SNX22: variants seen among roughly 807,000 people sequenced by gnomAD.
SNX22 encodes sorting nexin 22, also known as sorting nexin-22.
Under a neutral mutation model 24.7 loss-of-function variants are expected in SNX22, and 23 were observed. That is an observed-to-expected ratio of 0.93 (90% CI 0.67 to 1.32). The LOEUF is 1.32. Ranked by LOEUF, SNX22 falls within the 40% of genes most tolerant of loss-of-function variation. The probability of loss-of-function intolerance (pLI) is 0.00; values close to 1 mark genes in which losing one functional copy is unlikely to be tolerated. For missense variants in SNX22, 261 were observed against 249.9 expected (o/e 1.04, Z -0.30); for synonymous variants, 99 against 104.0 (o/e 0.95, Z 0.29).
intron 5 of SNX22, 119 bp downstream of exon 5, chr15:64,153,803 G>A: frequency 6.3e-7 from 1 of 1,595,068 alleles, no homozygotes; most frequent in Admixed American, 1.7e-5. Context: ...TTTCCCTTTG[G>A]TGCCTCCTGA....
At chr15:64,154,066 T>C (rs1461330038) in intron 6 of SNX22, 64 bp downstream of exon 6, 2 of 1,613,866 alleles carry the variant, frequency 1.2e-6, no homozygotes, top group Admixed American at 1.7e-5. Context: ...TCTCGGCTCC[T>C]GGGACCCTCA....
At position 64,156,021 on chromosome 15, in the gene SNX22, C is replaced by A. The variant is rs766839875; in HGVS notation, c.*1513C>A. The A allele has an allele frequency of 5.0e-6, 8 of 1,614,024 alleles. No homozygotes were observed. The highest frequency in any genetic ancestry group is 3.3e-5 in the South Asian group (3 of 91,090). On this transcript the variant is annotated 3_prime_UTR_variant, in exon 7 of 7. Transcript: ENST00000325881. This position sits in a 1 kb window ranked among gnomAD's most constrained non-coding sequence, Gnocchi z 6.4. ...TCACTCAAAGAAAGATGTCCCTGTG[C>A]CCTACTCCTTGGCGATGGCAAAGGG...
Position 64,155,906 on chromosome 15 carries a change from T to C in SNX22, c.*1398T>C. On this transcript the variant is annotated 3_prime_UTR_variant, in exon 7 of 7. Coordinates refer to ENST00000325881, the MANE Select transcript of SNX22 (RefSeq NM_024798.3). ...AGTGAGTCCATGGGCCTGTGGAATGTGAGGGGAGTGGGTCCGCTCCACCAG... is the reference window on the plus strand; with the variant it reads ...AGTGAGTCCATGGGCCTGTGGAATGCGAGGGGAGTGGGTCCGCTCCACCAG... 1 of 1,491,908 alleles carries C rather than the reference T, an allele frequency of 6.7e-7. No homozygotes were observed. The highest frequency in any genetic ancestry group is 9.3e-7 in the Non-Finnish European group (1 of 1,078,478). The allele number at this position is 1,491,908 out of a possible 1,614,324, so 92.4% of individuals were successfully genotyped here. A position where few individuals can be genotyped will look rare whatever the true frequency, so the allele number is the denominator to read the frequency against.
chr15:64,155,857 G>GTGT lies in SNX22; in HGVS notation c.*1352_*1354dup, dbSNP rs1015271051. 5.6e-5 allele frequency: 56 copies of GTGT among 993,906 alleles called. No homozygotes were observed. Among genetic ancestry groups the GTGT allele is most frequent in the Non-Finnish European group, 7.7e-5 (50 of 648,092 alleles). The allele number at this position is 993,906 out of a possible 1,614,324, so 61.6% of individuals were successfully genotyped here. ...AACCCACATTTTTTTTTATTGGTCA[G>GTGT]TGTTGGTAGGAGTTTGTTACAAAAG... On this transcript the variant is annotated 3_prime_UTR_variant, in exon 7 of 7. Transcript: ENST00000325881.
chr15:64,156,824 TGCGTTG>T lies in SNX22; in HGVS notation c.*2319_*2324del. 6.2e-7 allele frequency: 1 copy of T among 1,614,214 alleles called. No individual in the cohort carries two copies. The highest frequency in any genetic ancestry group is 8.5e-7 in the Non-Finnish European group (1 of 1,180,022). On this transcript the variant is annotated 3_prime_UTR_variant, in exon 7 of 7. Transcript: ENST00000325881. The surrounding 1 kb of genome is among the most constrained non-coding windows in gnomAD (Gnocchi z 6.4). ...ACTGGGAGCCGTTGGTGTCTTTGCC[TGCGTTG>T]GCCATGCTCACCCAGCCAGGCCCGT...
intron 3 of SNX22, chr15:64,153,031 G>A: frequency 1.6e-6 from 1 of 637,060 alleles, no homozygotes; most frequent in East Asian, 2.8e-5. Flanking sequence ...TAGGGTGAGG[G>A]TCCTTCCCCC....
chr15:64,153,658 G>A lies in SNX22; in HGVS notation c.366G>A (p.Leu122=), dbSNP rs755630631. The A allele has an allele frequency of 2.9e-5, 47 of 1,613,930 alleles. No individual in the cohort carries two copies. The highest frequency in any genetic ancestry group is 1.6e-4 in the South Asian group (15 of 91,086). Residue 122 remains leucine, a synonymous_variant, in exon 5 of 7, where the codon CTG becomes CTA. Transcript: ENST00000325881. ...GTGTTTCTCTTCTCTTCAGCACCCT[G>A]AGGGAGTTCCTGCCTGGCGACAGCA... ...TDPKASNWGT[L]REFLPGDSSS... is the part of the protein sequence containing the mutation.
chr15:64,151,987 G>T, intron 1 of SNX22, 137 bp downstream of exon 1: 1 of 943,846 alleles, frequency 1.1e-6, no homozygotes, highest in South Asian at 1.9e-5. Context: ...CTTGTCGAGG[G>T]TTTGGGGGCC....
At chr15:64,153,580 C>T in intron 4 of SNX22, 72 bp from the exon 5 acceptor site, 1 of 1,596,998 alleles carries the variant, frequency 6.3e-7, no homozygotes, top group Admixed American at 1.7e-5. Flanking sequence ...GTTCTGGGCT[C>T]TGGTGTCTCC....
chr15:64,153,126 C>A, intron 3 of SNX22, 119 bp from the exon 4 acceptor site: 1 of 1,276,076 alleles, frequency 7.8e-7, no homozygotes, highest in Non-Finnish European at 1.1e-6. Flanking sequence ...TGGTTCAACG[C>A]TCTGCTGTCA....
At chr15:64,152,117 C>A in intron 1 of SNX22, 126 bp from the exon 2 acceptor site, 1 of 1,008,134 alleles carries the variant, frequency 9.9e-7, no homozygotes, top group Non-Finnish European at 1.3e-6. Context: ...CCCCGGGCAG[C>A]CGCGGCGCCG....
rs144984080 is a variant in SNX22 at position 64,154,401 on chromosome 15, G to A, written c.475G>A (p.Val159Met). 26 of 1,614,176 alleles carry A rather than the reference G, an allele frequency of 1.6e-5. No individual in the cohort carries two copies. The African/African-American group carries it at 2.3e-4, about 14-fold the overall frequency. The change falls in exon 7 of 7, where the codon GTG (valine) becomes ATG (methionine). Residue 159 changes from valine to methionine, a missense_variant. Coordinates refer to ENST00000325881, the MANE Select transcript of SNX22 (RefSeq NM_024798.3). ...CNPSPESLPN[V>M]VVNGVLQGLY... ...CTATCCCACAGAGTCGCTGCCCAAC[G>A]TGGTGGTGAATGGTGTGCTCCAGGG...
rs2081531022 is a variant in SNX22, at chr15:64,156,311, G to A, written c.*1803G>A. ...AACAGACTCCTGGCCAGAGCAGGGAGAATGCAGATTTGACGAGGGGGTACA... is the reference window on the plus strand; with the variant it reads ...AACAGACTCCTGGCCAGAGCAGGGAAAATGCAGATTTGACGAGGGGGTACA... On this transcript the variant is annotated 3_prime_UTR_variant, in exon 7 of 7. Transcript: ENST00000325881. This position sits in a 1 kb window ranked among gnomAD's most constrained non-coding sequence, Gnocchi z 6.4. The A allele has an allele frequency of 2.2e-6, 2 of 929,908 alleles. No homozygotes were observed. Among genetic ancestry groups the A allele is most frequent in the Non-Finnish European group, 3.4e-6 (2 of 595,744 alleles). 57.6% of individuals were successfully genotyped at this position (929,908 alleles called of 1,614,324 possible). A position where few individuals can be genotyped will look rare whatever the true frequency, so the allele number is the denominator to read the frequency against.
Position 64,155,997 on chromosome 15 carries a change from C to T in SNX22, c.*1489C>T, listed in dbSNP as rs927810757. ...GGACTACAGGGCCTGCACAGACGGT[C>T]ACTCAAAGAAAGATGTCCCTGTGCC... On this transcript the variant is annotated 3_prime_UTR_variant, in exon 7 of 7. Coordinates refer to ENST00000325881, the MANE Select transcript of SNX22 (RefSeq NM_024798.3). 2.5e-6 allele frequency: 4 copies of T among 1,613,952 alleles called. No individual in the cohort carries two copies. The highest frequency in any genetic ancestry group is 3.4e-6 in the Non-Finnish European group (4 of 1,180,002).
rs1206831007 is a variant in SNX22 at position 64,152,283 on chromosome 15, C to T, written c.116C>T (p.Thr39Met). Residue 39 changes from threonine (T) to methionine (M), a missense_variant, in exon 2 of 7, where the codon ACG (threonine) becomes ATG (methionine). By Grantham distance (81) the Thr-to-Met change is moderately conservative. Coordinates refer to ENST00000325881, the MANE Select transcript of SNX22 (RefSeq NM_024798.3). ...VEVLCSGRRH[T>M]VPRRYSEFHA... ...GTGCTGTGCAGCGGGCGCAGACACA[C>T]GGTGCCAAGGCGCTACAGCGAGTTC... 3.6e-5 allele frequency: 53 copies of T among 1,492,446 alleles called. No homozygotes were observed. In the Admixed American group the frequency reaches 1.1e-3, roughly 30 times the overall value. The allele number at this position is 1,492,446 out of a possible 1,614,324, so 92.5% of individuals were successfully genotyped here.
chr15:64,156,758 C>G lies in SNX22; in HGVS notation c.*2250C>G. ...CTAGAACTTTGCCAAACACCACATG[C>G]TTGCCATCTAGCCAGGCTGTCTTGA... is the stretch of plus-strand genomic sequence containing the variant. On this transcript the variant is annotated 3_prime_UTR_variant, in exon 7 of 7. Transcript: ENST00000325881. The surrounding 1 kb of genome is among the most constrained non-coding windows in gnomAD (Gnocchi z 6.4). The G allele has an allele frequency of 6.2e-7, 1 of 1,614,228 alleles. No individual in the cohort carries two copies. The highest frequency in any genetic ancestry group is 8.5e-7 in the Non-Finnish European group (1 of 1,180,044).
chr15:64,156,554 G>A lies in SNX22; in HGVS notation c.*2046G>A. On this transcript the variant is annotated 3_prime_UTR_variant, in exon 7 of 7. Transcript: ENST00000325881. The surrounding 1 kb of genome is among the most constrained non-coding windows in gnomAD (Gnocchi z 6.4). ...GCTCTGAGGGGGCTGGAAGAATTTAGAACCTTGGAGGCATGGAGGTACAGG... is the reference window on the plus strand; with the variant it reads ...GCTCTGAGGGGGCTGGAAGAATTTAAAACCTTGGAGGCATGGAGGTACAGG... 1 of 860,428 alleles carries A rather than the reference G, an allele frequency of 1.2e-6. No individual in the cohort carries two copies. The highest frequency in any genetic ancestry group is 1.9e-6 in the Non-Finnish European group (1 of 522,058). 53.3% of individuals were successfully genotyped at this position (860,428 alleles called of 1,614,324 possible). A position where few individuals can be genotyped will look rare whatever the true frequency, so the allele number is the denominator to read the frequency against.
intron 3 of SNX22, 54 bp from the exon 4 acceptor site, chr15:64,153,191 C>T: frequency 6.2e-7 from 1 of 1,603,310 alleles, no homozygotes; most frequent in South Asian, 1.1e-5. Context: ...ACTGGCACTG[C>T]GCTATGCAAA....
At chr15:64,153,099 C>T (rs946299284) in intron 3 of SNX22, 146 bp from the exon 4 acceptor site, 26 of 988,382 alleles carry the variant, frequency 2.6e-5, no homozygotes, top group Non-Finnish European at 3.9e-5. Context: ...GCCCAGCGCC[C>T]AGAAGGGCCC....
Sources: gnomAD v4.1 joint callset for allele counts on GRCh38, gnomAD v4.1.1 for gene constraint, Gnocchi (gnomAD v3.1) non-coding constraint, MANE v1.5 for transcripts, NCBI Gene and HGNC (gene_info 2026-07-23, HGNC 2026-07-21) for gene names.